The following ECE1 variants were observed in gnomAD, a reference collection of about 807,000 sequenced individuals.
ECE1 encodes the protein endothelin converting enzyme 1.
In ECE1, 35 loss-of-function variants were observed where a neutral mutation model predicts 98.6. That is an observed-to-expected ratio of 0.35 (90% CI 0.27 to 0.47). The LOEUF (loss-of-function observed/expected upper bound fraction) is 0.47, where lower values mean the gene tolerates loss of function less well. Among genes scored for constraint, ECE1 ranks in the 20% least tolerant of loss-of-function variants. The pLI is 1.00. For missense variants in ECE1, 814 were observed against 1,025.3 expected, an observed-to-expected ratio of 0.79 and a Z score of 2.81; for synonymous variants, 394 against 407.1, an observed-to-expected ratio of 0.97 and a Z score of 0.39.
Position 21,290,445 on chromosome 1 carries a change from C to G in ECE1, c.-31G>C. On this transcript the variant is annotated 5_prime_UTR_variant, in exon 1 of 19. Coordinates refer to ENST00000374893, the MANE Select transcript of ECE1 (RefSeq NM_001397.3). The surrounding 1 kb of genome is among the most constrained non-coding windows in gnomAD (Gnocchi z 7.3). ...GCCCCAGACGCCTGGTCCCGCTGCC[C>G]GGGTGGCCGGGATGGGATGGGCCGG... is the stretch of plus-strand genomic sequence containing the variant. The G allele has an allele frequency of 8.1e-7, 1 of 1,229,092 alleles. No individual in the cohort carries two copies. Among genetic ancestry groups the G allele is most frequent in the Non-Finnish European group, 1.0e-6 (1 of 986,500 alleles). 76.1% of individuals were successfully genotyped at this position (1,229,092 alleles called of 1,614,324 possible).
At chr1:21,269,778 A>G (rs975727254) in intron 4 of ECE1, among the ~76,000 whole-genome samples, 1 of 152,244 alleles carries the variant, frequency 6.6e-6, no homozygotes, top group Non-Finnish European at 1.5e-5. Flanking sequence ...AGTGGGAGAG[A>G]AGCCAGGTCA....
At chr1:21,334,451 TC>T (rs537661660) in intron 1 of ECE1, among the ~76,000 whole-genome samples, 103 of 152,298 alleles carry the variant, frequency 6.8e-4, no homozygotes, top group African/African-American at 2.3e-3. Flanking sequence ...GCCACAGGAT[TC>T]CCTCCAGCGT....
rs145351275 is a variant in ECE1, at chr1:21,225,317, G to A, written c.1973C>T (p.Pro658Leu). Residue 658 changes from proline (P) to leucine (L), a missense_variant, in exon 17 of 19, where the codon CCG becomes CTG. Transcript: ENST00000374893. The surrounding 1 kb of genome is among the most constrained non-coding windows in gnomAD (Gnocchi z 5.3). ...QYSNYSVNGE[P>L]VNGRHTLGEN... ...CCCCAGGGTGTGCCGCCCGTTCACC[G>A]GCTCCCCGTTCACGCTGTAGTTGCT... 4.6e-5 allele frequency: 75 copies of A among 1,614,226 alleles called. 1 individual carries two copies. The African/African-American group carries it at 8.0e-4, about 17-fold the overall frequency.
rs28367977 is a variant in ECE1 at position 21,259,411 on chromosome 1, G to A, written c.616-572C>T. 3.1e-3 allele frequency among the ~76,000 whole-genome samples: 468 copies of A among 152,182 alleles called. 2 individuals carry two copies. Among genetic ancestry groups the A allele is most frequent in the African/African-American group, 0.011 (453 of 41,516 alleles). On this transcript the variant is annotated intron_variant, in intron 5 of 18. Coordinates refer to ENST00000374893, the MANE Select transcript of ECE1 (RefSeq NM_001397.3). ...TCCTCCTAAGTAGCTATGACTACAG[G>A]TGTGTATCACCACACCTGGCTAATT...
intron 4 of ECE1, among the ~76,000 whole-genome samples, chr1:21,271,890 ATAAC>A (rs2098240640): frequency 6.6e-6 from 1 of 152,016 alleles, no homozygotes; most frequent in Non-Finnish European, 1.5e-5. Context: ...CCTACACTGA[ATAAC>A]TAATCCTCTG....
At chr1:21,224,789 T>C (rs2098171737) in intron 17 of ECE1, among the ~76,000 whole-genome samples, 1 of 152,220 alleles carries the variant, frequency 6.6e-6, no homozygotes. Flanking sequence ...ATGCAGGTAG[T>C]AGCTAATCAG....
chr1:21,345,286 AG>A lies in ECE1; in HGVS notation c.3+89del. 1 of 1,265,644 alleles carries A rather than the reference AG, an allele frequency of 7.9e-7. No individual in the cohort carries two copies. The highest frequency in any genetic ancestry group is 1.0e-6 in the Non-Finnish European group (1 of 1,001,984). The allele number at this position is 1,265,644 out of a possible 1,614,324, so 78.4% of individuals were successfully genotyped here. ...GCCGGCGCCCAGCCCCCCGCGAGCC[AG>A]GGCGGCCCCGGGTGCCACCCGCGGC... On this transcript the variant is annotated intron_variant, in intron 1 of 18. Coordinates refer to the ECE1 transcript ENST00000415912. The surrounding 1 kb of genome is among the most constrained non-coding windows in gnomAD (Gnocchi z 5.1).
At chr1:21,304,493 A>G (rs936345602) in intron 1 of ECE1, among the ~76,000 whole-genome samples, 3 of 151,950 alleles carry the variant, frequency 2.0e-5, no homozygotes, top group Non-Finnish European at 4.4e-5. Flanking sequence ...TGAGCTGCCA[A>G]TTTTCATCAT....
intron 17 of ECE1, among the ~76,000 whole-genome samples, chr1:21,224,662 T>A (rs2098171486): frequency 1.3e-5 from 2 of 152,138 alleles, no homozygotes; most frequent in South Asian, 4.1e-4. Flanking sequence ...ACCTACTGTT[T>A]TTCTCTCGTG....
intron 9 of ECE1, among the ~76,000 whole-genome samples, chr1:21,245,920 T>C (rs917308729): frequency 6.6e-6 from 1 of 152,108 alleles, no homozygotes; most frequent in African/African-American, 2.4e-5. Flanking sequence ...CCCCATGCTT[T>C]CTCTCTACAT....
intron 14 of ECE1, among the ~76,000 whole-genome samples, chr1:21,230,386 C>T (rs988350055): frequency 2.0e-5 from 3 of 151,758 alleles, no homozygotes; most frequent in African/African-American, 4.8e-5. Context: ...CAAGAATTCT[C>T]TTTTTTTTGA....
chr1:21,276,830 T>C (rs2098247862), intron 3 of ECE1, among the ~76,000 whole-genome samples: 1 of 152,038 alleles, frequency 6.6e-6, no homozygotes, highest in Non-Finnish European at 1.5e-5. Context: ...GTGTGCACCA[T>C]CACAGCCACC....
intron 1 of ECE1, among the ~76,000 whole-genome samples, chr1:21,301,854 AGG>A (rs1638493091): frequency 6.9e-6 from 1 of 145,330 alleles, no homozygotes; most frequent in African/African-American, 2.6e-5. Context: ...AAAAAAAAAA[AGG>A]CCAATTCAAC....
At chr1:21,279,102 G>T (rs28367939) in intron 3 of ECE1, 89 bp downstream of exon 3, 12 of 1,606,598 alleles carry the variant, frequency 7.5e-6, no homozygotes, top group African/African-American at 1.3e-5. Flanking sequence ...GCCCTGCCCC[G>T]GCTTAAGCAG....
chr1:21,328,168 T>C (rs899911840), intron 1 of ECE1, among the ~76,000 whole-genome samples: 1 of 152,198 alleles, frequency 6.6e-6, no homozygotes, highest in Non-Finnish European at 1.5e-5. Context: ...AGACTCTTTT[T>C]CTCTCCATTT....
At chr1:21,270,490 C>A (rs77419515) in intron 4 of ECE1, among the ~76,000 whole-genome samples, 1 of 152,264 alleles carries the variant, frequency 6.6e-6, no homozygotes, top group East Asian at 1.9e-4. Flanking sequence ...AGTCTCAGCT[C>A]TGCCACTCAC....
At chr1:21,265,804 G>A (rs565437168) in intron 4 of ECE1, among the ~76,000 whole-genome samples, 1 of 152,156 alleles carries the variant, frequency 6.6e-6, no homozygotes, top group African/African-American at 2.4e-5. Flanking sequence ...AAGATTTCAT[G>A]GAGGCAAAGA....
Position 21,282,940 on chromosome 1 carries a change from T to A in ECE1, c.139-3608A>T, listed in dbSNP as rs57821928. Among the ~76,000 whole-genome samples, 333 of 61,244 alleles carry A rather than the reference T, an allele frequency of 5.4e-3. 2 individuals carry two copies. Among genetic ancestry groups the A allele is most frequent in the Middle Eastern group, 0.028 (4 of 144 alleles). The allele number at this position is 61,244 out of a possible 152,430, so 40.2% of individuals were successfully genotyped here. A position where few individuals can be genotyped will look rare whatever the true frequency, so the allele number is the denominator to read the frequency against. On this transcript the variant is annotated intron_variant, in intron 2 of 18. Transcript: ENST00000374893. ...GCAATTCTATCTTCACAACATTATTTTTTTTTTTTTTTTTTTTTTGAGACG... is the reference window on the plus strand; with the variant it reads ...GCAATTCTATCTTCACAACATTATTATTTTTTTTTTTTTTTTTTTGAGACG...
Position 21,260,166 on chromosome 1 carries a change from G to A in ECE1, c.615+105C>T, listed in dbSNP as rs1437455300. The A allele has an allele frequency of 4.6e-6, 7 of 1,511,714 alleles. No homozygotes were observed. The African/African-American group carries it at 8.2e-5, about 18-fold the overall frequency. 93.6% of individuals were successfully genotyped at this position (1,511,714 alleles called of 1,614,324 possible). The stretch of plus-strand genomic sequence containing the variant: ...TGTCTTTCTCTTGGTGCTACCGGCT[G>A]GACGTATGAGGTGGGCCAGTGGTAC... On this transcript the variant is annotated intron_variant, in intron 5 of 18. Transcript: ENST00000374893. The surrounding 1 kb of genome is among the most constrained non-coding windows in gnomAD (Gnocchi z 4.3).
Sources: allele counts gnomAD v4.1 joint callset (sites outside exome capture counted in the v4.1 genomes callset), GRCh38; gene constraint gnomAD v4.1.1; non-coding constraint Gnocchi (gnomAD v3.1); transcripts MANE v1.5; gene names NCBI Gene and HGNC (gene_info 2026-07-23, HGNC 2026-07-21).